NFE2L3: variants seen among roughly 807,000 people sequenced by gnomAD.
NFE2L3 encodes the protein nuclear factor erythroid 2-related factor 3.
In NFE2L3, 18 loss-of-function variants were observed where a neutral mutation model predicts 23.5. The observed-to-expected ratio is 0.77, with a 90% CI of 0.53 to 1.13. The LOEUF is 1.13. NFE2L3 is among the 50% of genes most tolerant of loss of function. NFE2L3 has a pLI of 0.00. For missense variants in NFE2L3, 1,152 were observed against 877.2 expected, an observed-to-expected ratio of 1.31 and a Z score of -3.96; for synonymous variants, 424 against 354.5, an observed-to-expected ratio of 1.20 and a Z score of -2.20.
chr7:26,177,887 C>A, intron 1 of NFE2L3, 56 bp from the exon 2 acceptor site: 1 of 1,467,704 alleles, frequency 6.8e-7, no homozygotes, highest in Non-Finnish European at 9.4e-7. Context: ...GAACAATAAG[C>A]ACAATGCAGT....
chr7:26,177,270 C>T (rs576544961), intron 1 of NFE2L3, among the ~76,000 whole-genome samples: 130 of 152,312 alleles, frequency 8.5e-4, no homozygotes, highest in African/African-American at 3.0e-3. Flanking sequence ...GAGGTTGTAG[C>T]GAGCCGAGAT....
At chr7:26,154,051 T>G (rs546951181) in intron 1 of NFE2L3, among the ~76,000 whole-genome samples, 135 of 152,342 alleles carry the variant, frequency 8.9e-4, no homozygotes, top group Non-Finnish European at 1.5e-3. Flanking sequence ...CTGGTTTGTT[T>G]GTTGCTCTTC....
intron 1 of NFE2L3, among the ~76,000 whole-genome samples, chr7:26,176,340 C>T (rs1278714959): frequency 3.9e-5 from 6 of 152,222 alleles, no homozygotes; most frequent in East Asian, 1.9e-4. Flanking sequence ...AAACCGCCAT[C>T]GTCATCATGG....
rs1053893790 is a variant in NFE2L3 at position 26,184,215 on chromosome 7, C to G, written c.835-318C>G. The G allele has an allele frequency of 8.7e-5, 30 of 345,026 alleles. No individual in the cohort carries two copies. In the Middle Eastern group the frequency reaches 2.6e-3, roughly 30 times the overall value. The allele number at this position is 345,026 out of a possible 1,614,324, so 21.4% of individuals were successfully genotyped here. ...CCCTGACCCTCCACAATGTGATTACCAACCGCTAGGATGAGTTGCATCTTA... is the reference window on the plus strand; with the variant it reads ...CCCTGACCCTCCACAATGTGATTACGAACCGCTAGGATGAGTTGCATCTTA... On this transcript the variant is annotated intron_variant, in intron 3 of 3. Coordinates refer to ENST00000056233, the MANE Select transcript of NFE2L3 (RefSeq NM_004289.7).
intron 2 of NFE2L3, among the ~76,000 whole-genome samples, chr7:26,179,022 A>G (rs914183253): frequency 6.6e-6 from 1 of 151,900 alleles, no homozygotes; most frequent in African/African-American, 2.4e-5. Flanking sequence ...GCCATGTAAT[A>G]TTACATGGAA....
chr7:26,177,443 A>C (rs1399745471), intron 1 of NFE2L3, among the ~76,000 whole-genome samples: 3 of 152,196 alleles, frequency 2.0e-5, no homozygotes. Flanking sequence ...CCAAAAATAC[A>C]AAAACCAGTC....
At chr7:26,167,146 G>A (rs557774003) in intron 1 of NFE2L3, among the ~76,000 whole-genome samples, 4 of 152,238 alleles carry the variant, frequency 2.6e-5, no homozygotes, top group Non-Finnish European at 4.4e-5. Flanking sequence ...AAACCTTTGC[G>A]CAAGACTCTT....
rs761588370 is a variant in NFE2L3 at position 26,185,021 on chromosome 7, G to A, written c.1323G>A (p.Val441=). The A allele has an allele frequency of 1.9e-6, 3 of 1,613,842 alleles. No homozygotes were observed. In the South Asian group the frequency reaches 3.3e-5, roughly 18 times the overall value. Residue 441 remains valine (V), a synonymous_variant, in exon 4 of 4, where the codon GTG becomes GTA. Transcript: ENST00000056233. ...TCAAGTCTAATTCCTCTCACTCTGT[G>A]TGTGATGAAGGTGCTATAGGTTATT... ...SVIKSNSSHS[V]CDEGAIGYCT...
intron 2 of NFE2L3, 94 bp downstream of exon 2, chr7:26,178,216 A>T (rs1341774219): frequency 9.9e-7 from 1 of 1,008,232 alleles, no homozygotes; most frequent in Non-Finnish European, 1.5e-6. Context: ...CATGTAAAAC[A>T]GTATGCTCTA....
Position 26,152,373 on chromosome 7 carries a change from A to C in NFE2L3, c.-126A>C. ...CGACGGCCGCCACGCGCCCCGGTCCATTGTTTCGCTTATCTGGGTTCCAGG... is the reference window on the plus strand; with the variant it reads ...CGACGGCCGCCACGCGCCCCGGTCCCTTGTTTCGCTTATCTGGGTTCCAGG... On this transcript the variant is annotated 5_prime_UTR_variant, in exon 1 of 4. Transcript: ENST00000056233. This position sits in a 1 kb window ranked among gnomAD's most constrained non-coding sequence, Gnocchi z 4.4. 2.1e-5 allele frequency: 12 copies of C among 580,860 alleles called. No homozygotes were observed. The highest frequency in any genetic ancestry group is 1.9e-5 in the Non-Finnish European group (8 of 421,614). 36.0% of individuals were successfully genotyped at this position (580,860 alleles called of 1,614,324 possible).
intron 1 of NFE2L3, among the ~76,000 whole-genome samples, chr7:26,176,694 C>G (rs1373126130): frequency 1.9e-5 from 1 of 51,546 alleles, no homozygotes. Flanking sequence ...ACTTCCCAGA[C>G]GGGGTGGCCA....
chr7:26,172,684 T>C (rs1562673776), intron 1 of NFE2L3, among the ~76,000 whole-genome samples: 3 of 152,220 alleles, frequency 2.0e-5, no homozygotes, highest in African/African-American at 7.2e-5. Flanking sequence ...ATTTATCTGA[T>C]GTTTCCTCAA....
At chr7:26,162,976 T>A (rs1311023020) in intron 1 of NFE2L3, among the ~76,000 whole-genome samples, 1 of 152,134 alleles carries the variant, frequency 6.6e-6, no homozygotes, top group African/African-American at 2.4e-5. Flanking sequence ...CCTCCCAAAG[T>A]GCTGGGATTA....
intron 1 of NFE2L3, among the ~76,000 whole-genome samples, chr7:26,157,913 G>C (rs1784107708): frequency 6.6e-6 from 1 of 152,204 alleles, no homozygotes; most frequent in Admixed American, 6.5e-5. Flanking sequence ...CCTTTTGGTG[G>C]TTTGCTGGCA....
At position 26,184,582 on chromosome 7, in the gene NFE2L3, T is replaced by C; in HGVS notation, c.884T>C (p.Met295Thr). The C allele has an allele frequency of 5.6e-6, 9 of 1,613,862 alleles. No individual in the cohort carries two copies. The highest frequency in any genetic ancestry group is 7.6e-6 in the Non-Finnish European group (9 of 1,179,742). Residue 295 changes from methionine (M) to threonine (T), a missense_variant, in exon 4 of 4, where the codon ATG becomes ACG. Physicochemically the swap from Met to Thr is moderately conservative, Grantham distance 81. Coordinates refer to ENST00000056233, the MANE Select transcript of NFE2L3 (RefSeq NM_004289.7). ...IPLPGSISDG[M>T]NSSAHYHVNF... ...CTTCCAGGCAGTATCAGTGATGGCATGAATTCTTCAGCACATTATCATGTA... is the reference window on the plus strand; with the variant it reads ...CTTCCAGGCAGTATCAGTGATGGCACGAATTCTTCAGCACATTATCATGTA...
At chr7:26,184,194 G>A (rs1321070274) in intron 3 of NFE2L3, 1 of 340,482 alleles carries the variant, frequency 2.9e-6, no homozygotes, top group Non-Finnish European at 5.4e-6. Flanking sequence ...TATTATCCCT[G>A]ACCCTCCACA....
chr7:26,178,620 T>G (rs776648569), intron 2 of NFE2L3, among the ~76,000 whole-genome samples: 1 of 152,160 alleles, frequency 6.6e-6, no homozygotes, highest in Non-Finnish European at 1.5e-5. Context: ...GACCACCTCC[T>G]TAACTCCTCA....
At chr7:26,184,035 A>G (rs1223749097) in intron 3 of NFE2L3, 7 of 498,630 alleles carry the variant, frequency 1.4e-5, no homozygotes, top group East Asian at 1.0e-4. Flanking sequence ...AAGAATTATC[A>G]GGTATTTATC....
intron 1 of NFE2L3, among the ~76,000 whole-genome samples, chr7:26,176,199 T>C: frequency 6.6e-6 from 1 of 152,172 alleles, no homozygotes; most frequent in East Asian, 1.9e-4. Context: ...ATTAACAGCA[T>C]CCCAAGGCAG....
Sources: allele counts gnomAD v4.1 joint callset (sites outside exome capture counted in the v4.1 genomes callset), GRCh38; gene constraint gnomAD v4.1.1; non-coding constraint Gnocchi (gnomAD v3.1); transcripts MANE v1.5; gene names NCBI Gene and HGNC (gene_info 2026-07-23, HGNC 2026-07-21).